Variants in NOMO2 observed in about 807,000 individuals in gnomAD.
NOMO2 encodes the protein NODAL modulator 2.
Under a neutral mutation model 67.1 loss-of-function variants are expected in NOMO2, and 14 were observed. That is an observed-to-expected ratio of 0.21 (90% confidence interval 0.14 to 0.33). NOMO2 has a LOEUF of 0.33. NOMO2 is among the 10% of genes least tolerant of loss of function. The pLI is 1.00. For synonymous variants in NOMO2, 80 were observed against 305.9 expected, an observed-to-expected ratio of 0.26 and a Z score of 7.71; for missense variants, 178 against 761.0, an observed-to-expected ratio of 0.23 and a Z score of 9.01.
Position 18,533,123 on chromosome 16 carries a change from A to G in NOMO2, c.1277T>C (p.Met426Thr). 1 of 1,611,376 alleles carries G rather than the reference A, an allele frequency of 6.2e-7. No individual in the cohort carries two copies. The highest frequency in any genetic ancestry group is 8.5e-7 in the Non-Finnish European group (1 of 1,179,696). ...TGACAGGACAACTTTGTATTTATTCATCTGCTTGACGGTGTCCGGGAAGCG... is the reference window on the plus strand; with the variant it reads ...TGACAGGACAACTTTGTATTTATTCGTCTGCTTGACGGTGTCCGGGAAGCG... Reference protein sequence around the residue: ...IIRFPDTVKQMNKYKVVLSSQ... With the variant: ...IIRFPDTVKQTNKYKVVLSSQ... Residue 426 changes from methionine (M) to threonine (T), a missense_variant, in exon 12 of 31, where the codon ATG becomes ACG. By Grantham distance (81) the Met-to-Thr change is moderately conservative. Transcript: ENST00000622306.
chr16:18,544,612 C>A (rs1901624124), intron 6 of NOMO2, among the ~76,000 whole-genome samples: 1 of 151,958 alleles, frequency 6.6e-6, no homozygotes, highest in South Asian at 2.1e-4. Context: ...TTCTGTCCGT[C>A]ACTTTCTTTT....
At chr16:18,528,987 AAATAC>A (rs1901222024) in intron 15 of NOMO2, among the ~76,000 whole-genome samples, 2 of 75,236 alleles carry the variant, frequency 2.7e-5, no homozygotes, top group African/African-American at 9.3e-5. Context: ...AAAAAAAAAA[AAATAC>A]ATATATATAT....
At chr16:18,536,400 C>CTTAT (rs1901423763) in intron 11 of NOMO2, among the ~76,000 whole-genome samples, 1 of 152,222 alleles carries the variant, frequency 6.6e-6, no homozygotes, top group Non-Finnish European at 1.5e-5. Flanking sequence ...ACAACACTTG[C>CTTAT]CATAATTTAG....
chr16:18,528,476 A>G (rs1901201024), intron 15 of NOMO2, among the ~76,000 whole-genome samples: 1 of 151,988 alleles, frequency 6.6e-6, no homozygotes, highest in Non-Finnish European at 1.5e-5. Flanking sequence ...GTTTCTCTAC[A>G]GAGAAACTAA....
intron 9 of NOMO2, among the ~76,000 whole-genome samples, chr16:18,539,826 G>C (rs916324613): frequency 6.9e-6 from 1 of 145,180 alleles, no homozygotes; most frequent in Non-Finnish European, 1.5e-5. Context: ...TGCTCCATGT[G>C]TCTGTGTCTG....
chr16:18,522,659 GGCCA>G (rs1901073115), intron 18 of NOMO2, among the ~76,000 whole-genome samples: 2 of 121,808 alleles, frequency 1.6e-5, no homozygotes, highest in African/African-American at 5.3e-5. Context: ...CAGAAACCAG[GGCCA>G]GCCCTGACAT....
rs1902058831 is a variant in NOMO2, at chr16:18,561,861, G to T, written c.165+15C>A. The T allele has an allele frequency of 2.6e-6, 4 of 1,545,988 alleles. No individual in the cohort carries two copies. The highest frequency in any genetic ancestry group is 2.6e-6 in the Non-Finnish European group (3 of 1,146,334). On this transcript the variant is annotated intron_variant, in intron 1 of 30. Transcript: ENST00000622306. ...GCCCGGCGACTCGGCGCCGGGCGGCGGGGCGGGCGCTCACCTCGATGAGCG... is the reference window on the plus strand; with the variant it reads ...GCCCGGCGACTCGGCGCCGGGCGGCTGGGCGGGCGCTCACCTCGATGAGCG...
At chr16:18,536,540 G>A (rs1011420508) in intron 11 of NOMO2, among the ~76,000 whole-genome samples, 1 of 151,962 alleles carries the variant, frequency 6.6e-6, no homozygotes, top group African/African-American at 2.4e-5. Context: ...TGGTAGAGAT[G>A]TTGTTTTCCC....
chr16:18,528,967 CAAAAAAA>C (rs58520369), intron 15 of NOMO2, among the ~76,000 whole-genome samples: 2 of 12,332 alleles, frequency 1.6e-4, no homozygotes, highest in Non-Finnish European at 3.3e-4. Flanking sequence ...GACTCCATCT[CAAAAAAA>C]AAAAAAAAAA....
chr16:18,544,705 C>G (rs958071194), intron 6 of NOMO2, among the ~76,000 whole-genome samples: 52 of 152,164 alleles, frequency 3.4e-4, no homozygotes, highest in African/African-American at 1.2e-3. Flanking sequence ...GCCCAATTGA[C>G]AAATTGTTCT....
intron 9 of NOMO2, among the ~76,000 whole-genome samples, chr16:18,539,246 G>C (rs1472791847): frequency 6.7e-6 from 1 of 150,124 alleles, no homozygotes; most frequent in Non-Finnish European, 1.5e-5. Flanking sequence ...CAAGCTTCTA[G>C]AAGCCCCCCA....
intron 9 of NOMO2, among the ~76,000 whole-genome samples, chr16:18,539,952 G>A (rs1401829462): frequency 6.6e-6 from 1 of 151,728 alleles, no homozygotes; most frequent in African/African-American, 2.4e-5. Flanking sequence ...ACCCATTTTA[G>A]TATCTTCATC....
intron 20 of NOMO2, among the ~76,000 whole-genome samples, chr16:18,520,370 T>TCATTCATCCATC (rs1901030353): frequency 1.7e-5 from 2 of 115,974 alleles, no homozygotes; most frequent in African/African-American, 3.2e-5. Context: ...AATCATTCAT[T>TCATTCATCCATC]CATCCATCCA....
At chr16:18,541,896 C>T (rs974209769) in intron 9 of NOMO2, among the ~76,000 whole-genome samples, 1 of 116,446 alleles carries the variant, frequency 8.6e-6, no homozygotes, top group Non-Finnish European at 1.8e-5. Flanking sequence ...ATTTTTGCCT[C>T]TTTTGGTCAC....
intron 15 of NOMO2, among the ~76,000 whole-genome samples, chr16:18,528,951 G>C (rs1284346068): frequency 2.3e-4 from 24 of 106,038 alleles, no homozygotes; most frequent in Non-Finnish European, 3.3e-4. Context: ...CTGGGCAACA[G>C]AGCAAGACTC....
intron 16 of NOMO2, among the ~76,000 whole-genome samples, chr16:18,525,988 AT>A (rs1325908109): frequency 6.6e-6 from 1 of 151,962 alleles, no homozygotes; most frequent in Non-Finnish European, 1.5e-5. Context: ...ATTGAGCCAA[AT>A]AAACTACCAC....
chr16:18,543,771 TG>T lies in NOMO2; in HGVS notation c.583-3del. 2 of 1,586,942 alleles carry T rather than the reference TG, an allele frequency of 1.3e-6. No individual in the cohort carries two copies. The highest frequency in any genetic ancestry group is 2.3e-5 in the South Asian group (2 of 87,512). On this transcript the variant is annotated splice_region_variant and splice_polypyrimidine_tract_variant and intron_variant, in intron 6 of 30. Transcript: ENST00000622306. ...GGTTACACGCACTGTGGTGCTTGCC[TG>T]TAACAGAAAAAGATTTTAACCTGTA...
chr16:18,533,391 G>T, intron 11 of NOMO2: 2 of 439,828 alleles, frequency 4.5e-6, no homozygotes, highest in East Asian at 8.0e-5. Context: ...GCAAGACTGG[G>T]CATCTTTCTA....
intron 11 of NOMO2, 63 bp from the exon 12 acceptor site, chr16:18,533,242 C>G: frequency 6.4e-7 from 1 of 1,566,860 alleles, no homozygotes; most frequent in Non-Finnish European, 8.6e-7. Flanking sequence ...AGGCTCTTAT[C>G]GACCAAAAAA....
Sources: gnomAD v4.1 joint callset for allele counts (sites outside exome capture counted in the v4.1 genomes callset) on GRCh38, gnomAD v4.1.1 for gene constraint, MANE v1.5 for transcripts, NCBI Gene and HGNC (gene_info 2026-07-23, HGNC 2026-07-21) for gene names.